The following PCDHA5 variants were observed in gnomAD, a reference collection of about 807,000 sequenced individuals.
The protein encoded by PCDHA5 is protocadherin alpha 5.
Under a neutral mutation model 61.6 loss-of-function variants are expected in PCDHA5, and 43 were observed. That is an observed-to-expected ratio of 0.70 (90% CI 0.55 to 0.90). PCDHA5 has a LOEUF of 0.90. PCDHA5 is among the 40% of genes least tolerant of loss of function. The pLI, the probability that PCDHA5 is intolerant of heterozygous loss-of-function variation, is 0.00. For missense variants in PCDHA5, 1,298 were observed against 1,222.7 expected (o/e 1.06, Z -0.92); for synonymous variants, 627 against 543.9 (o/e 1.15, Z -2.13).
At chr5:140,942,239 T>A (rs1554214876) in intron 1 of PCDHA5, among the ~76,000 whole-genome samples, 1 of 152,156 alleles carries the variant, frequency 6.6e-6, no homozygotes, top group Admixed American at 6.6e-5. Flanking sequence ...AAATAAGATA[T>A]CCATATCATT....
At chr5:140,958,759 A>G (rs1254935099) in intron 1 of PCDHA5, among the ~76,000 whole-genome samples, 2 of 152,112 alleles carry the variant, frequency 1.3e-5, no homozygotes, top group African/African-American at 4.8e-5. Flanking sequence ...ATTTTTACCC[A>G]TTTCTGTTTG....
intron 1 of PCDHA5, chr5:140,836,574 G>T: frequency 6.2e-7 from 1 of 1,613,706 alleles, no homozygotes; most frequent in Non-Finnish European, 8.5e-7. Flanking sequence ...CTCTGAGGGC[G>T]CATGTAGTTT....
chr5:140,989,733 C>T (rs31874), intron 3 of PCDHA5, among the ~76,000 whole-genome samples: 120,660 of 152,102 alleles, frequency 0.79, 48,852 homozygotes, highest in East Asian at 0.98. Context: ...GTTGAAAAGG[C>T]CATTGCCTAA....
chr5:140,967,828 C>T (rs2096188201), intron 1 of PCDHA5: 2 of 1,614,028 alleles, frequency 1.2e-6, no homozygotes, highest in Non-Finnish European at 1.7e-6. Flanking sequence ...TGCTGGTGGA[C>T]ATCGTGGACG....
At chr5:140,919,525 T>G (rs2079174631) in intron 1 of PCDHA5, among the ~76,000 whole-genome samples, 1 of 152,196 alleles carries the variant, frequency 6.6e-6, no homozygotes, top group Non-Finnish European at 1.5e-5. Context: ...TAATTCTCTT[T>G]TTTTCCTATA....
rs2150251833 is a variant in PCDHA5, at chr5:140,836,067, G to A, written c.2352+11940G>A. 18 of 1,613,552 alleles carry A rather than the reference G, an allele frequency of 1.1e-5. 1 individual carries two copies. Among genetic ancestry groups the A allele is most frequent in the Non-Finnish European group, 1.4e-5 (16 of 1,179,776 alleles). On this transcript the variant is annotated intron_variant, in intron 1 of 3. Transcript: ENST00000529859. Reference sequence around the variant, plus strand: ...GTTCGTGCTGGACGAGAACGACAACGCGCCGGCACTGCTGGCGCCTCGGGT... The same window carrying A: ...GTTCGTGCTGGACGAGAACGACAACACGCCGGCACTGCTGGCGCCTCGGGT...
At chr5:140,830,237 C>T (rs2150183295) in intron 1 of PCDHA5, 2 of 1,613,954 alleles carry the variant, frequency 1.2e-6, no homozygotes, top group Non-Finnish European at 1.7e-6. Context: ...CCTCACGCTA[C>T]TGCTGTACAC....
intron 1 of PCDHA5, among the ~76,000 whole-genome samples, chr5:140,970,591 T>G (rs1159349152): frequency 2.6e-5 from 4 of 152,150 alleles, no homozygotes; most frequent in African/African-American, 9.7e-5. Flanking sequence ...GAGATATGCT[T>G]TGTGATACTT....
At chr5:140,997,481 A>G (rs1563624223) in intron 3 of PCDHA5, among the ~76,000 whole-genome samples, 1 of 152,224 alleles carries the variant, frequency 6.6e-6, no homozygotes, top group Non-Finnish European at 1.5e-5. Flanking sequence ...ACACAATGAT[A>G]AGTATTTGTG....
intron 1 of PCDHA5, among the ~76,000 whole-genome samples, chr5:140,921,577 A>G (rs1248608945): frequency 6.6e-6 from 1 of 152,242 alleles, no homozygotes; most frequent in African/African-American, 2.4e-5. Context: ...AGTAGAGCTC[A>G]TACTATATTA....
At chr5:140,958,746 G>A (rs946339571) in intron 1 of PCDHA5, among the ~76,000 whole-genome samples, 3 of 152,184 alleles carry the variant, frequency 2.0e-5, no homozygotes, top group African/African-American at 7.2e-5. Context: ...AGAGAGAAAG[G>A]AGATTTTTAC....
chr5:140,983,076 T>A (rs1390525890), intron 3 of PCDHA5, among the ~76,000 whole-genome samples: 1 of 152,168 alleles, frequency 6.6e-6, no homozygotes, highest in Non-Finnish European at 1.5e-5. Context: ...TTGTTTTGAG[T>A]TCAAGTCAAA....
At chr5:140,875,391 A>G (rs1582202337) in intron 1 of PCDHA5, 2 of 1,472,582 alleles carry the variant, frequency 1.4e-6, no homozygotes, top group African/African-American at 2.8e-5. Flanking sequence ...ACTTACAGAA[A>G]AGGGTGACTG....
intron 1 of PCDHA5, among the ~76,000 whole-genome samples, chr5:140,896,201 C>G (rs1583224545): frequency 6.6e-6 from 1 of 152,344 alleles, no homozygotes; most frequent in African/African-American, 2.4e-5. Context: ...CCATGATGAA[C>G]ATACACATAC....
intron 3 of PCDHA5, among the ~76,000 whole-genome samples, chr5:140,991,523 T>A (rs73268060): frequency 0.032 from 4,843 of 152,294 alleles, 263 homozygotes; most frequent in African/African-American, 0.11. Flanking sequence ...CAAGGTGTGT[T>A]CTTGCCACTA....
chr5:140,946,363 A>T (rs2093934761), intron 1 of PCDHA5, among the ~76,000 whole-genome samples: 1 of 151,892 alleles, frequency 6.6e-6, no homozygotes, highest in African/African-American at 2.4e-5. Flanking sequence ...AGAAAAGGGA[A>T]CTCTTGCACA....
At chr5:140,883,416 G>T in intron 1 of PCDHA5, 1 of 1,614,158 alleles carries the variant, frequency 6.2e-7, no homozygotes, top group Non-Finnish European at 8.5e-7. Context: ...GGCTCAAATG[G>T]ACAGGTCACC....
intron 3 of PCDHA5, among the ~76,000 whole-genome samples, chr5:141,009,322 G>C (rs2098405890): frequency 6.6e-6 from 1 of 152,206 alleles, no homozygotes. Flanking sequence ...AGCCTGGCAT[G>C]GGAGCTTGTG....
chr5:140,835,503 G>A, intron 1 of PCDHA5: 2 of 1,613,910 alleles, frequency 1.2e-6, no homozygotes, highest in Non-Finnish European at 1.7e-6. Flanking sequence ...ATTGATTAGC[G>A]TGTTTGACCG....
Sources: allele counts gnomAD v4.1 joint callset (sites outside exome capture counted in the v4.1 genomes callset), GRCh38; gene constraint gnomAD v4.1.1; transcripts MANE v1.5; gene names NCBI Gene and HGNC (gene_info 2026-07-23, HGNC 2026-07-21).